The following DENND4C variants were observed in gnomAD, a reference collection of about 807,000 sequenced individuals.
DENND4C encodes DENN domain containing 4C.
Under a neutral mutation model 203.0 loss-of-function variants are expected in DENND4C, and 108 were observed. That is an observed-to-expected ratio of 0.53 (90% CI 0.46 to 0.62). The LOEUF is 0.62. DENND4C is among the 20% of genes least tolerant of loss of function. The probability of loss-of-function intolerance (pLI) is 0.00; values close to 1 mark genes in which losing one functional copy is unlikely to be tolerated. For missense variants in DENND4C, 2,481 were observed against 2,301.2 expected (o/e 1.08, Z -1.60); for synonymous variants, 871 against 792.4 (o/e 1.10, Z -1.67).
At chr9:19,244,684 G>A (rs1588723948) in intron 1 of DENND4C, among the ~76,000 whole-genome samples, 1 of 150,386 alleles carries the variant, frequency 6.6e-6, no homozygotes, top group Admixed American at 6.7e-5. Flanking sequence ...AGGTTGCAGT[G>A]AGCGGAGATC....
chr9:19,362,273 CAAACA>C (rs113296664), intron 30 of DENND4C, among the ~76,000 whole-genome samples: 12 of 152,038 alleles, frequency 7.9e-5, no homozygotes, highest in African/African-American at 2.2e-4. Context: ...GATTGTATCT[CAAACA>C]AAACAAAACA....
intron 30 of DENND4C, among the ~76,000 whole-genome samples, chr9:19,363,163 C>T (rs1477464524): frequency 6.6e-6 from 1 of 152,144 alleles, no homozygotes; most frequent in Non-Finnish European, 1.5e-5. Flanking sequence ...TGTGTGCATG[C>T]ACATGCACAC....
rs1433622636 is a variant in DENND4C, at chr9:19,231,023, C to T, written c.-18+190C>T. 3.3e-5 allele frequency among the ~76,000 whole-genome samples: 5 copies of T among 152,318 alleles called. No individual in the cohort carries two copies. The East Asian group carries it at 5.8e-4, about 18-fold the overall frequency. ...TGGCGTTCGTGGCCTAGTTTCTCCG[C>T]GGTTTCCGGGGGCGGGGAGTCCCCG... On this transcript the variant is annotated intron_variant, in intron 1 of 32. Transcript: ENST00000434457.
At chr9:19,317,190 T>G (rs1842003299) in intron 12 of DENND4C, among the ~76,000 whole-genome samples, 1 of 150,908 alleles carries the variant, frequency 6.6e-6, no homozygotes, top group South Asian at 2.1e-4. Context: ...ACTTTTTTTT[T>G]TTTTTTTTTT....
chr9:19,366,454 A>G (rs1057028654), intron 30 of DENND4C, among the ~76,000 whole-genome samples: 5 of 152,138 alleles, frequency 3.3e-5, no homozygotes, highest in Non-Finnish European at 7.4e-5. Context: ...ATACAAAAAA[A>G]TTAGCCAGGC....
At chr9:19,268,325 C>G (rs898797153) in intron 1 of DENND4C, among the ~76,000 whole-genome samples, 1 of 152,196 alleles carries the variant, frequency 6.6e-6, no homozygotes, top group Non-Finnish European at 1.5e-5. Context: ...GTATTGAACG[C>G]CTGAGCTCAA....
chr9:19,319,371 T>TACAC (rs1225544696), intron 12 of DENND4C, among the ~76,000 whole-genome samples: 8 of 134,440 alleles, frequency 6.0e-5, no homozygotes, highest in African/African-American at 6.7e-5. Flanking sequence ...CACACATATA[T>TACAC]ATACACATAC....
intron 5 of DENND4C, among the ~76,000 whole-genome samples, chr9:19,294,847 A>AGAGGGTAGCC (rs1056078412): frequency 9.2e-5 from 14 of 152,200 alleles, no homozygotes; most frequent in Non-Finnish European, 1.0e-4. Context: ...CTACCCTTAT[A>AGAGGGTAGCC]GAGATAGAAA....
chr9:19,260,354 A>T (rs1829042237), intron 1 of DENND4C, among the ~76,000 whole-genome samples: 1 of 136,396 alleles, frequency 7.3e-6, no homozygotes. Context: ...GAGTTGTTTG[A>T]TGTCCTTATA....
chr9:19,354,937 T>A (rs1417120556), intron 26 of DENND4C, among the ~76,000 whole-genome samples: 1 of 148,558 alleles, frequency 6.7e-6, no homozygotes, highest in Non-Finnish European at 1.5e-5. Flanking sequence ...TGAGATGGAG[T>A]CTTGCTCTGT....
intron 18 of DENND4C, among the ~76,000 whole-genome samples, chr9:19,335,685 T>C (rs1820304648): frequency 6.6e-6 from 1 of 152,172 alleles, no homozygotes; most frequent in African/African-American, 2.4e-5. Flanking sequence ...AATTACTGGG[T>C]TTCCTTTTTT....
Position 19,374,169 on chromosome 9 carries a change from A to G in DENND4C, c.*1996A>G, listed in dbSNP as rs186555025. On this transcript the variant is annotated 3_prime_UTR_variant, in exon 33 of 33. Transcript: ENST00000434457. The stretch of plus-strand genomic sequence containing the variant: ...AAGCCTCTTGAAATCTGTAATCTTT[A>G]GAATCCCAATATTTTGTTTTTTCCA... Among the ~76,000 whole-genome samples, 1 of 152,308 alleles carries G rather than the reference A, an allele frequency of 6.6e-6. No individual in the cohort carries two copies. The highest frequency in any genetic ancestry group is 1.9e-4 in the East Asian group (1 of 5,186).
At chr9:19,244,780 T>C (rs1824727981) in intron 1 of DENND4C, among the ~76,000 whole-genome samples, 1 of 151,764 alleles carries the variant, frequency 6.6e-6, no homozygotes, top group Non-Finnish European at 1.5e-5. Context: ...GTTTATAATA[T>C]ACACCTTTAA....
rs1474394857 is a variant in DENND4C, at chr9:19,372,170, TTAAA to T, written c.5877_*3del. The T allele has an allele frequency of 3.1e-6, 5 of 1,607,742 alleles. No homozygotes were observed. Among genetic ancestry groups the T allele is most frequent in the African/African-American group, 2.7e-5 (2 of 74,646 alleles). ...GGAAGTGTTTTGGAGCGCCTCTCAT[TTAAA>T]TAGAGATTCACTAGAATGTTGACAC... On this transcript the variant is annotated stop_retained_variant and 3_prime_UTR_variant, in exon 33 of 33. Coordinates refer to ENST00000434457, the MANE Select transcript of DENND4C (RefSeq NM_001330640.2).
At chr9:19,250,005 A>G (rs1222748487) in intron 1 of DENND4C, among the ~76,000 whole-genome samples, 3 of 152,190 alleles carry the variant, frequency 2.0e-5, no homozygotes, top group East Asian at 1.9e-4. Flanking sequence ...ACTGTCTTCA[A>G]AAGTTATATG....
chr9:19,362,902 AATG>A (rs1826803833), intron 30 of DENND4C, among the ~76,000 whole-genome samples: 2 of 152,370 alleles, frequency 1.3e-5, no homozygotes, highest in South Asian at 4.1e-4. Flanking sequence ...GAAATGACCA[AATG>A]ATATTAATAG....
At chr9:19,299,540 A>C (rs1456356160) in intron 8 of DENND4C, among the ~76,000 whole-genome samples, 1 of 152,046 alleles carries the variant, frequency 6.6e-6, no homozygotes. Flanking sequence ...TTTTCTTCTC[A>C]TCTCCCCTTC....
Position 19,369,853 on chromosome 9 carries a change from A to C in DENND4C, c.5541A>C (p.Ser1847=), listed in dbSNP as rs1828445715. 3 of 1,596,572 alleles carry C rather than the reference A, an allele frequency of 1.9e-6. No individual in the cohort carries two copies. The highest frequency in any genetic ancestry group is 1.8e-5 in the Admixed American group (1 of 56,638). The change falls in exon 31 of 33, where the codon TCA becomes TCC. Residue 1847 remains serine, a synonymous_variant. Coordinates refer to ENST00000434457, the MANE Select transcript of DENND4C (RefSeq NM_001330640.2). ...TATTGTTAGATTCTGAAAAGAAATC[A>C]TCTCTCCTGTCAGAGGAACAACAAG... ...SWRNFNSEKK[S]SLLSEEQQET... is the part of the protein sequence containing the mutation.
intron 10 of DENND4C, among the ~76,000 whole-genome samples, chr9:19,313,522 TAAAAGATAGCACTAAAATATTAG>T (rs1215083008): frequency 6.6e-6 from 1 of 152,184 alleles, no homozygotes; most frequent in African/African-American, 2.4e-5. Context: ...GGGGTGGGGT[TAAAAGATAGCACTAAAATATTAG>T]ACAGCGATTA....
Sources: allele counts gnomAD v4.1 joint callset (sites outside exome capture counted in the v4.1 genomes callset), GRCh38; gene constraint gnomAD v4.1.1; transcripts MANE v1.5; gene names NCBI Gene and HGNC (gene_info 2026-07-23, HGNC 2026-07-21).